DCLK1: variants seen among roughly 807,000 people sequenced by gnomAD.
DCLK1 encodes the protein doublecortin like kinase 1.
Under a neutral mutation model 86.2 loss-of-function variants are expected in DCLK1, and 16 were observed. The ratio of observed to expected loss-of-function variants is 0.19; its 90% confidence interval spans 0.13 to 0.28. The LOEUF is 0.28. Ranked by LOEUF, DCLK1 falls within the 10% of genes least tolerant of loss-of-function variation. The pLI is 1.00. For synonymous variants in DCLK1, 369 were observed against 370.5 expected, an observed-to-expected ratio of 1.00 and a Z score of 0.05; for missense variants, 590 against 940.2, an observed-to-expected ratio of 0.63 and a Z score of 4.87.
At chr13:35,844,426 T>C (rs1870030894) in intron 6 of DCLK1, among the ~76,000 whole-genome samples, 2 of 152,232 alleles carry the variant, frequency 1.3e-5, no homozygotes, top group Non-Finnish European at 2.9e-5. Context: ...GTAGTTTTTC[T>C]GGCCTCAATT....
At chr13:35,826,039 C>G (rs2087516023) in intron 10 of DCLK1, among the ~76,000 whole-genome samples, 1 of 151,858 alleles carries the variant, frequency 6.6e-6, no homozygotes. Context: ...GTCTCAATCT[C>G]TTGACCTTGT....
chr13:36,050,473 G>A (rs1430574512), intron 3 of DCLK1, among the ~76,000 whole-genome samples: 1 of 152,076 alleles, frequency 6.6e-6, no homozygotes, highest in African/African-American at 2.4e-5. Flanking sequence ...GAGGGTCAGG[G>A]AGAATTGAGT....
At chr13:35,942,128 T>A (rs1198420385) in intron 4 of DCLK1, among the ~76,000 whole-genome samples, 1 of 152,184 alleles carries the variant, frequency 6.6e-6, no homozygotes, top group Non-Finnish European at 1.5e-5. Flanking sequence ...TCCTCCCTGA[T>A]GGTTCGAATC....
chr13:35,874,533 G>A (rs930291532), intron 4 of DCLK1, among the ~76,000 whole-genome samples: 1 of 152,176 alleles, frequency 6.6e-6, no homozygotes, highest in African/African-American at 2.4e-5. Context: ...TACAGAGCCT[G>A]CCCAGTCTTC....
chr13:35,936,962 C>CTTTTTTTTT (rs140269668), intron 4 of DCLK1, among the ~76,000 whole-genome samples: 4 of 65,710 alleles, frequency 6.1e-5, no homozygotes, highest in East Asian at 6.2e-4. Flanking sequence ...GAAAAGTTAG[C>CTTTTTTTTT]TTTTTTTTTT....
chr13:35,853,075 C>T (rs1195099746), intron 6 of DCLK1, among the ~76,000 whole-genome samples: 1 of 152,148 alleles, frequency 6.6e-6, no homozygotes. Context: ...AAAGAATGAC[C>T]GACCAGCTCT....
At chr13:35,790,347 T>C (rs1181084232) in intron 16 of DCLK1, among the ~76,000 whole-genome samples, 1 of 152,142 alleles carries the variant, frequency 6.6e-6, no homozygotes, top group African/African-American at 2.4e-5. Context: ...CTGATGAGCA[T>C]TGGTGATCTC....
At chr13:36,037,897 A>G (rs997550322) in intron 3 of DCLK1, among the ~76,000 whole-genome samples, 13 of 152,128 alleles carry the variant, frequency 8.5e-5, no homozygotes, top group Non-Finnish European at 1.8e-4. Context: ...CTAATCCCCT[A>G]CTGTAAAAAA....
At chr13:36,060,881 C>T (rs1883517131) in intron 3 of DCLK1, among the ~76,000 whole-genome samples, 3 of 152,098 alleles carry the variant, frequency 2.0e-5, no homozygotes, top group Admixed American at 1.3e-4. Flanking sequence ...CCCCAGAATG[C>T]CGTGTCTGCA....
intron 4 of DCLK1, among the ~76,000 whole-genome samples, chr13:35,880,589 A>G (rs1555346713): frequency 6.6e-6 from 1 of 152,138 alleles, no homozygotes; most frequent in Non-Finnish European, 1.5e-5. Flanking sequence ...AAAAACACAA[A>G]CATGTACCCC....
intron 4 of DCLK1, among the ~76,000 whole-genome samples, chr13:35,875,312 T>C (rs1247594709): frequency 1.3e-5 from 2 of 152,250 alleles, no homozygotes; most frequent in African/African-American, 4.8e-5. Context: ...CAAGAATGAA[T>C]AGTTAAGATA....
chr13:35,795,530 G>C (rs1390416834), intron 15 of DCLK1, among the ~76,000 whole-genome samples: 1 of 152,194 alleles, frequency 6.6e-6, no homozygotes, highest in African/African-American at 2.4e-5. Flanking sequence ...AAGTGAAAGA[G>C]AAATCAGATG....
intron 16 of DCLK1, among the ~76,000 whole-genome samples, chr13:35,784,472 C>G (rs1423045599): frequency 6.6e-6 from 1 of 152,130 alleles, no homozygotes; most frequent in Non-Finnish European, 1.5e-5. Flanking sequence ...TCCAATGACC[C>G]TTGGTGACCT....
intron 4 of DCLK1, among the ~76,000 whole-genome samples, chr13:35,929,863 C>CTTTTTTT (rs375433797): frequency 7.0e-6 from 1 of 142,124 alleles, no homozygotes; most frequent in African/African-American, 2.6e-5. Context: ...CATTTTTTTT[C>CTTTTTTT]TTTTTTTTTT....
intron 3 of DCLK1, among the ~76,000 whole-genome samples, chr13:35,947,696 T>C (rs1012357820): frequency 6.6e-6 from 1 of 152,230 alleles, no homozygotes; most frequent in Non-Finnish European, 1.5e-5. Flanking sequence ...GTCACATTTA[T>C]TACTTGATAT....
intron 6 of DCLK1, among the ~76,000 whole-genome samples, chr13:35,852,658 C>A (rs1870741313): frequency 6.6e-6 from 1 of 152,088 alleles, no homozygotes; most frequent in African/African-American, 2.4e-5. Context: ...AGCCACAGAG[C>A]TGAATGGAAA....
At chr13:36,044,038 G>A (rs767416085) in intron 3 of DCLK1, among the ~76,000 whole-genome samples, 47 of 152,292 alleles carry the variant, frequency 3.1e-4, no homozygotes, top group Non-Finnish European at 5.7e-4. Context: ...TTGGGTGATA[G>A]GGGCAGATCC....
intron 16 of DCLK1, 65 bp downstream of exon 16, chr13:35,793,301 G>C (rs2077371320): frequency 1.5e-6 from 2 of 1,293,016 alleles, no homozygotes; most frequent in Admixed American, 4.0e-5. Context: ...AATCTCCTGA[G>C]TAATGCCTGT....
At chr13:35,915,778 T>C (rs953195623) in intron 4 of DCLK1, among the ~76,000 whole-genome samples, 3 of 152,180 alleles carry the variant, frequency 2.0e-5, no homozygotes, top group Non-Finnish European at 4.4e-5. Context: ...GGCTAAGAGC[T>C]ATGCAAAGGT....
Sources: gnomAD v4.1 joint callset for allele counts (sites outside exome capture counted in the v4.1 genomes callset) on GRCh38, gnomAD v4.1.1 for gene constraint, MANE v1.5 for transcripts, NCBI Gene and HGNC (gene_info 2026-07-23, HGNC 2026-07-21) for gene names.